The following RYR2 variants were observed in gnomAD, a reference collection of about 807,000 sequenced individuals.
RYR2 encodes ryanodine receptor 2, also known as cardiac muscle ryanodine receptor-calcium release channel.
RYR2 carries 227 observed loss-of-function variants against 601.1 expected under a neutral mutation model. The ratio of observed to expected loss-of-function variants is 0.38; its 90% CI spans 0.34 to 0.42. The LOEUF is 0.42. RYR2 is among the 10% of genes least tolerant of loss of function. RYR2 has a pLI of 1.00. For synonymous variants in RYR2, 2,223 were observed against 2,175.1 expected, an observed-to-expected ratio of 1.02 and a Z score of -0.61; for missense variants, 4,646 against 6,156.5, an observed-to-expected ratio of 0.75 and a Z score of 8.21.
intron 48 of RYR2, 136 bp downstream of exon 48, chr1:237,643,583 A>T (rs925969813): frequency 2.1e-5 from 18 of 851,520 alleles, no homozygotes; most frequent in Admixed American, 1.3e-4. Flanking sequence ...TAGTTTTTTT[A>T]AAAAAGCTGT....
At position 237,550,620 on chromosome 1, in the gene RYR2, A is replaced by G. The variant is rs1243096520; in HGVS notation, c.3143A>G (p.Asp1048Gly). Reference protein sequence around the residue: ...LDDRTKKSNKDSLREAVRTLL... With the variant: ...LDDRTKKSNKGSLREAVRTLL... ...GACCGAACCAAGAAATCCAACAAGG[A>G]CAGCCTCCGCGAGGCTGTGCGCACG... is the stretch of plus-strand genomic sequence containing the variant. Residue 1048 changes from aspartate to glycine, a missense_variant, in exon 27 of 105, where the codon GAC (aspartate) becomes GGC (glycine). Asp to Gly is a moderately conservative substitution (Grantham distance 94). Around this residue, in one of 17 missense-constraint regions of RYR2, gnomAD observed 1,807 missense variants for 2,088.1 expected, o/e 0.87. Coordinates refer to ENST00000366574, the MANE Select transcript of RYR2 (RefSeq NM_001035.3). The G allele has an allele frequency of 1.3e-6, 2 of 1,596,850 alleles. No homozygotes were observed. Among genetic ancestry groups the G allele is most frequent in the East Asian group, 2.3e-5 (1 of 44,348 alleles).
rs763208364 is a variant in RYR2 at position 237,631,424 on chromosome 1, T to C, written c.6441-3T>C. ...TACCCCATACGTCCATTGTCCTTTCTAGGGATATTATGAATAACAAAGTGT... is the reference window on the plus strand; with the variant it reads ...TACCCCATACGTCCATTGTCCTTTCCAGGGATATTATGAATAACAAAGTGT... On this transcript the variant is annotated splice_region_variant and splice_polypyrimidine_tract_variant and intron_variant, in intron 41 of 104. Transcript: ENST00000366574. The C allele has an allele frequency of 1.3e-6, 2 of 1,598,618 alleles. No homozygotes were observed. Among genetic ancestry groups the C allele is most frequent in the African/African-American group, 2.7e-5 (2 of 74,436 alleles).
intron 14 of RYR2, among the ~76,000 whole-genome samples, chr1:237,450,208 T>C (rs769644957): frequency 7.2e-5 from 11 of 152,162 alleles, no homozygotes; most frequent in Non-Finnish European, 1.5e-4. Flanking sequence ...TTCTCATCAG[T>C]GTTCTGCTGA....
rs546803656 is a variant in RYR2 at position 237,658,116 on chromosome 1, T to C, written c.8208+94T>C. The stretch of plus-strand genomic sequence containing the variant: ...ACCATGACAGTTTTCTGTTTTAAAA[T>C]GAGAACTTGATCTAAATTAGGAAAA... On this transcript the variant is annotated intron_variant, in intron 54 of 104. Transcript: ENST00000366574. The C allele has an allele frequency of 2.8e-4, 180 of 646,036 alleles. 3 individuals carry two copies. The highest frequency in any genetic ancestry group is 5.2e-4 in the Admixed American group (13 of 24,944). 40.0% of individuals were successfully genotyped at this position (646,036 alleles called of 1,614,324 possible).
intron 14 of RYR2, among the ~76,000 whole-genome samples, chr1:237,451,403 T>A (rs1174189427): frequency 6.6e-6 from 1 of 151,860 alleles, no homozygotes; most frequent in Non-Finnish European, 1.5e-5. Flanking sequence ...TGAAACCCCA[T>A]CCCTACTAAA....
chr1:237,091,635 G>GTTC (rs1485453345), intron 1 of RYR2, among the ~76,000 whole-genome samples: 1 of 152,164 alleles, frequency 6.6e-6, no homozygotes, highest in East Asian at 1.9e-4. Context: ...ATGTTGCCCA[G>GTTC]GCTGGTCTCG....
intron 1 of RYR2, among the ~76,000 whole-genome samples, chr1:237,066,701 G>T (rs1470484184): frequency 6.6e-6 from 1 of 150,896 alleles, no homozygotes; most frequent in African/African-American, 2.4e-5. Context: ...GGGTGCAGTG[G>T]TGCAATCTCG....
At chr1:237,087,022 A>C (rs930312328) in intron 1 of RYR2, among the ~76,000 whole-genome samples, 1 of 152,202 alleles carries the variant, frequency 6.6e-6, no homozygotes, top group African/African-American at 2.4e-5. Context: ...CAGGCTGCAT[A>C]GAATATTTTC....
At chr1:237,081,987 GAGA>G (rs1558199366) in intron 1 of RYR2, among the ~76,000 whole-genome samples, 1 of 152,152 alleles carries the variant, frequency 6.6e-6, no homozygotes, top group Non-Finnish European at 1.5e-5. Context: ...TCTTAATGGG[GAGA>G]AGAACTTGGT....
intron 96 of RYR2, among the ~76,000 whole-genome samples, chr1:237,795,852 A>G (rs1282743291): frequency 0.011 from 1,334 of 119,532 alleles, 26 homozygotes; most frequent in African/African-American, 0.048. Context: ...ATATATATGT[A>G]TATGTATATA....
At chr1:237,437,101 C>T (rs946021387) in intron 12 of RYR2, among the ~76,000 whole-genome samples, 1 of 151,328 alleles carries the variant, frequency 6.6e-6, no homozygotes, top group African/African-American at 2.4e-5. Flanking sequence ...CTGGAGTGCA[C>T]TGGCGCAATC....
At chr1:237,717,147 T>C (rs1364631847) in intron 71 of RYR2, 51 bp from the exon 72 acceptor site, 2 of 1,555,938 alleles carry the variant, frequency 1.3e-6, no homozygotes, top group East Asian at 2.3e-5. Flanking sequence ...ATAGTGGTTC[T>C]ACATGTGAGA....
At chr1:237,421,933 CA>C (rs1705635480) in intron 11 of RYR2, among the ~76,000 whole-genome samples, 1 of 152,112 alleles carries the variant, frequency 6.6e-6, no homozygotes, top group Admixed American at 6.6e-5. Context: ...TATCTAATAT[CA>C]AATTTGTCAT....
intron 1 of RYR2, among the ~76,000 whole-genome samples, chr1:237,107,513 C>G: frequency 2.3e-4 from 1 of 4,330 alleles, no homozygotes; most frequent in East Asian, 0.026. Context: ...GAGTGAGACT[C>G]CATCTCAAAA....
chr1:237,127,322 G>T (rs1353416894), intron 1 of RYR2, among the ~76,000 whole-genome samples: 1 of 151,546 alleles, frequency 6.6e-6, no homozygotes, highest in African/African-American at 2.4e-5. Context: ...ACAGGGTGGT[G>T]GCCGGGCAGA....
chr1:237,418,916 T>G (rs1705277617), intron 11 of RYR2, among the ~76,000 whole-genome samples: 1 of 151,932 alleles, frequency 6.6e-6, no homozygotes, highest in African/African-American at 2.4e-5. Context: ...TTATTGGAAA[T>G]GCATATCATA....
intron 27 of RYR2, among the ~76,000 whole-genome samples, chr1:237,564,111 T>A (rs184727816): frequency 6.6e-6 from 1 of 152,322 alleles, no homozygotes; most frequent in Admixed American, 6.5e-5. Flanking sequence ...TTGTGTAATT[T>A]ATAGCTCATA....
chr1:237,637,212 A>G (rs1207812350), intron 44 of RYR2, among the ~76,000 whole-genome samples: 1 of 152,186 alleles, frequency 6.6e-6, no homozygotes, highest in Non-Finnish European at 1.5e-5. Context: ...GATATAAAAC[A>G]TTTTTAGCTA....
Position 237,674,093 on chromosome 1 carries a change from T to C in RYR2, c.8591-3T>C. ...CTGTGTTCTTGTCCTGACATACTCTTAGGAGGAGGAAACCATCCTCTGCTG... is the reference window on the plus strand; with the variant it reads ...CTGTGTTCTTGTCCTGACATACTCTCAGGAGGAGGAAACCATCCTCTGCTG... On this transcript the variant is annotated splice_polypyrimidine_tract_variant and splice_region_variant and intron_variant, in intron 58 of 104. Coordinates refer to ENST00000366574, the MANE Select transcript of RYR2 (RefSeq NM_001035.3). The C allele has an allele frequency of 6.2e-7, 1 of 1,610,292 alleles. No homozygotes were observed. Among genetic ancestry groups the C allele is most frequent in the Non-Finnish European group, 8.5e-7 (1 of 1,176,898 alleles).
Sources: allele counts gnomAD v4.1 joint callset (sites outside exome capture counted in the v4.1 genomes callset), GRCh38; gene constraint gnomAD v4.1.1; regional missense constraint gnomAD v4.1.1; transcripts MANE v1.5; gene names NCBI Gene and HGNC (gene_info 2026-07-23, HGNC 2026-07-21).